Variants in NUSAP1 observed in about 807,000 individuals in gnomAD.
The protein encoded by NUSAP1 is nucleolar and spindle-associated protein 1.
Under a neutral mutation model 52.8 loss-of-function variants are expected in NUSAP1, and 32 were observed. That is an observed-to-expected ratio of 0.61 (90% CI 0.46 to 0.81). The LOEUF is 0.81. Ranked by LOEUF, NUSAP1 falls within the 40% of genes least tolerant of loss-of-function variation. The pLI, the probability that NUSAP1 is intolerant of heterozygous loss-of-function variation, is 0.00. For missense variants in NUSAP1, 499 were observed against 522.3 expected (o/e 0.96, Z 0.43); for synonymous variants, 195 against 183.1 (o/e 1.06, Z -0.52).
At chr15:41,346,030 TTTA>T (rs1360300779) in intron 2 of NUSAP1, among the ~76,000 whole-genome samples, 1 of 151,990 alleles carries the variant, frequency 6.6e-6, no homozygotes, top group African/African-American at 2.4e-5. Context: ...GTTAAGGCCT[TTTA>T]TTCTTTTTTT....
At chr15:41,339,044 A>G (rs540855850) in intron 1 of NUSAP1, among the ~76,000 whole-genome samples, 1 of 152,266 alleles carries the variant, frequency 6.6e-6, no homozygotes, top group African/African-American at 2.4e-5. Context: ...AATAAAATCT[A>G]AACTCTTTCC....
At chr15:41,372,689 G>T (rs537106950) in intron 8 of NUSAP1, among the ~76,000 whole-genome samples, 1 of 152,054 alleles carries the variant, frequency 6.6e-6, no homozygotes, top group Non-Finnish European at 1.5e-5. Flanking sequence ...TTGAACACAG[G>T]GTTTTGTGCT....
At chr15:41,359,907 A>G (rs1029642817) in intron 6 of NUSAP1, among the ~76,000 whole-genome samples, 1 of 151,666 alleles carries the variant, frequency 6.6e-6, no homozygotes, top group Non-Finnish European at 1.5e-5. Context: ...TATTACATGC[A>G]TGAGCCATTG....
At chr15:41,369,501 A>T (rs1277801090) in intron 7 of NUSAP1, among the ~76,000 whole-genome samples, 1 of 151,930 alleles carries the variant, frequency 6.6e-6, no homozygotes, top group East Asian at 1.9e-4. Context: ...ATACAAAATT[A>T]TCTGGGCATG....
chr15:41,368,381 C>T (rs1420383904), intron 7 of NUSAP1, among the ~76,000 whole-genome samples: 2 of 152,136 alleles, frequency 1.3e-5, no homozygotes, highest in Non-Finnish European at 2.9e-5. Flanking sequence ...TTTCCATTGA[C>T]TTAAATATAG....
At chr15:41,347,623 G>A (rs1266396872) in intron 2 of NUSAP1, among the ~76,000 whole-genome samples, 2 of 151,994 alleles carry the variant, frequency 1.3e-5, no homozygotes, top group Non-Finnish European at 2.9e-5. Context: ...AGACCATCCT[G>A]GCTAACAGGC....
At chr15:41,363,104 T>C (rs1595577971) in intron 6 of NUSAP1, among the ~76,000 whole-genome samples, 1 of 151,948 alleles carries the variant, frequency 6.6e-6, no homozygotes, top group Admixed American at 6.6e-5. Flanking sequence ...CTGCCCAACA[T>C]GGCGAAACCC....
At chr15:41,359,904 T>C (rs1345524760) in intron 6 of NUSAP1, among the ~76,000 whole-genome samples, 1 of 151,892 alleles carries the variant, frequency 6.6e-6, no homozygotes, top group Non-Finnish European at 1.5e-5. Flanking sequence ...TGGTATTACA[T>C]GCATGAGCCA....
At chr15:41,378,701 C>G (rs1300277644) in intron 10 of NUSAP1, among the ~76,000 whole-genome samples, 2 of 151,806 alleles carry the variant, frequency 1.3e-5, no homozygotes, top group Non-Finnish European at 2.9e-5. Flanking sequence ...ACCCGGGAGG[C>G]GGAGGTTGTG....
At chr15:41,378,242 C>T (rs1242014132) in intron 10 of NUSAP1, among the ~76,000 whole-genome samples, 2 of 152,168 alleles carry the variant, frequency 1.3e-5, no homozygotes, top group East Asian at 3.8e-4. Flanking sequence ...CCTACATATC[C>T]AGATAGACAT....
In NUSAP1 at chr15:41,371,569, G is replaced by T; in HGVS notation, c.891G>T (p.Leu297=). 1 of 1,609,842 alleles carries T rather than the reference G, an allele frequency of 6.2e-7. No homozygotes were observed. The highest frequency in any genetic ancestry group is 1.1e-5 in the South Asian group (1 of 90,516). The change falls in exon 8 of 11, where the codon CTG becomes CTT. Residue 297 remains leucine (L), a synonymous_variant. Coordinates refer to ENST00000559596, the MANE Select transcript of NUSAP1 (RefSeq NM_016359.5). ...ATKDNEHKRS[L]TKTPARKSAH... Reference sequence around the variant, plus strand: ...AAGATAATGAGCATAAGCGTTCACTGACCAAGACTCCAGCCAGAAAGTCTG... The same window carrying T: ...AAGATAATGAGCATAAGCGTTCACTTACCAAGACTCCAGCCAGAAAGTCTG...
chr15:41,343,069 A>G (rs1595534552), intron 2 of NUSAP1: 1 of 152,350 alleles, frequency 6.6e-6, no homozygotes, highest in East Asian at 1.9e-4. Flanking sequence ...TGGATTTGAA[A>G]TCAGAAACAC....
chr15:41,375,209 C>T lies in NUSAP1; in HGVS notation c.1007-503C>T, dbSNP rs1334139993. Among the ~76,000 whole-genome samples, 3 of 140,962 alleles carry T rather than the reference C, an allele frequency of 2.1e-5. No homozygotes were observed. The East Asian group carries it at 6.4e-4, about 30-fold the overall frequency. The allele number at this position is 140,962 out of a possible 152,430, so 92.5% of individuals were successfully genotyped here. A position where few individuals can be genotyped will look rare whatever the true frequency, so the allele number is the denominator to read the frequency against. Reference sequence around the variant, plus strand: ...TTTTTTTTTTTTAAACCAAGTTTCGCTCTTGTTGCCCAAGCTGGAGTGCAA... The same window carrying T: ...TTTTTTTTTTTTAAACCAAGTTTCGTTCTTGTTGCCCAAGCTGGAGTGCAA... On this transcript the variant is annotated intron_variant, in intron 8 of 10. Coordinates refer to ENST00000559596, the MANE Select transcript of NUSAP1 (RefSeq NM_016359.5).
chr15:41,342,138 C>G (rs141756922), intron 1 of NUSAP1, among the ~76,000 whole-genome samples: 2 of 152,218 alleles, frequency 1.3e-5, no homozygotes, highest in Admixed American at 1.3e-4. Flanking sequence ...TACCTATGTT[C>G]TCATGACAGC....
chr15:41,355,963 CT>C, intron 4 of NUSAP1, 75 bp from the exon 5 acceptor site: 1 of 854,474 alleles, frequency 1.2e-6, no homozygotes, highest in Non-Finnish European at 1.9e-6. Context: ...CAGGCGTGAG[CT>C]ACCGTGCCCG....
intron 5 of NUSAP1, among the ~76,000 whole-genome samples, chr15:41,357,568 C>CA (rs2049018889): frequency 6.6e-6 from 1 of 151,658 alleles, no homozygotes; most frequent in African/African-American, 2.4e-5. Context: ...CTCAGTGTCC[C>CA]GAGTAGCTGG....
intron 6 of NUSAP1, among the ~76,000 whole-genome samples, chr15:41,359,281 G>C (rs1294615826): frequency 6.6e-6 from 1 of 151,970 alleles, no homozygotes; most frequent in East Asian, 1.9e-4. Flanking sequence ...ATTTCTATTC[G>C]CTGTATTTAA....
intron 2 of NUSAP1, among the ~76,000 whole-genome samples, chr15:41,345,286 C>T (rs1305856913): frequency 6.6e-6 from 1 of 152,018 alleles, no homozygotes; most frequent in African/African-American, 2.4e-5. Context: ...AGACGCTCTG[C>T]CAGTTTCTCC....
chr15:41,373,338 A>C (rs886113329), intron 8 of NUSAP1, among the ~76,000 whole-genome samples: 2 of 151,896 alleles, frequency 1.3e-5, no homozygotes, highest in Admixed American at 1.3e-4. Context: ...AGCTGAGATC[A>C]CATCACTGTA....
Sources: gnomAD v4.1 joint callset for allele counts (sites outside exome capture counted in the v4.1 genomes callset) on GRCh38, gnomAD v4.1.1 for gene constraint, MANE v1.5 for transcripts, NCBI Gene and HGNC (gene_info 2026-07-23, HGNC 2026-07-21) for gene names.